WWOX: variants seen among roughly 807,000 people sequenced by gnomAD.
The protein encoded by WWOX is WW domain-containing oxidoreductase.
WWOX carries 69 observed loss-of-function variants against 46.2 expected under a neutral mutation model. That is an observed-to-expected ratio of 1.49 (90% confidence interval 1.23 to 1.82). The LOEUF (loss-of-function observed/expected upper bound fraction) is 1.82. Ranked by LOEUF, WWOX falls within the 40% of genes most tolerant of loss-of-function variation. The pLI, the probability that WWOX is intolerant of heterozygous loss-of-function variation, is 0.00. For synonymous variants in WWOX, 359 were observed against 202.6 expected, an observed-to-expected ratio of 1.77 and a Z score of -6.56; for missense variants, 919 against 542.6, an observed-to-expected ratio of 1.69 and a Z score of -6.89.
intron 8 of WWOX, among the ~76,000 whole-genome samples, chr16:78,482,060 C>T (rs1265101745): frequency 1.3e-5 from 2 of 151,988 alleles, no homozygotes; most frequent in African/African-American, 2.4e-5. Context: ...TTAGAATGTG[C>T]TTGTTATGGT....
At chr16:79,031,010 C>T (rs900275846) in intron 8 of WWOX, among the ~76,000 whole-genome samples, 31 of 149,870 alleles carry the variant, frequency 2.1e-4, no homozygotes, top group African/African-American at 3.9e-4. Flanking sequence ...GAGAATCACC[C>T]GAGGCTGGGG....
chr16:78,614,289 C>T (rs554220923), intron 8 of WWOX, among the ~76,000 whole-genome samples: 43 of 152,320 alleles, frequency 2.8e-4, no homozygotes, highest in African/African-American at 1.0e-3. Flanking sequence ...TAAATAGATG[C>T]ACAAAGCAGA....
intron 8 of WWOX, among the ~76,000 whole-genome samples, chr16:78,904,439 A>G (rs1429376751): frequency 6.6e-6 from 1 of 151,824 alleles, no homozygotes; most frequent in African/African-American, 2.4e-5. Flanking sequence ...GGGTTTCAGC[A>G]TGTTGGCCAG....
intron 5 of WWOX, among the ~76,000 whole-genome samples, chr16:78,196,205 A>G (rs1388538065): frequency 6.6e-6 from 1 of 152,246 alleles, no homozygotes; most frequent in African/African-American, 2.4e-5. Flanking sequence ...CATATCTACA[A>G]TTAATTTGAA....
chr16:79,002,777 C>G (rs2047119492), intron 8 of WWOX, among the ~76,000 whole-genome samples: 1 of 152,156 alleles, frequency 6.6e-6, no homozygotes, highest in Non-Finnish European at 1.5e-5. Flanking sequence ...GGGGAAAAGA[C>G]AGGGTTCACA....
chr16:78,750,721 A>C (rs2049456661), intron 8 of WWOX, among the ~76,000 whole-genome samples: 1 of 152,082 alleles, frequency 6.6e-6, no homozygotes, highest in South Asian at 2.1e-4. Flanking sequence ...TTGAGCTTCG[A>C]CTTGTAAGTA....
intron 8 of WWOX, among the ~76,000 whole-genome samples, chr16:79,057,986 A>G (rs1305716741): frequency 1.3e-5 from 2 of 152,158 alleles, no homozygotes; most frequent in African/African-American, 4.8e-5. Flanking sequence ...CTCTTATTCA[A>G]GCTCACGATG....
chr16:78,779,147 C>T (rs557127901), intron 8 of WWOX, among the ~76,000 whole-genome samples: 2 of 152,100 alleles, frequency 1.3e-5, no homozygotes, highest in Non-Finnish European at 2.9e-5. Flanking sequence ...TCCAACTTGT[C>T]TTTTTTGTTG....
intron 8 of WWOX, among the ~76,000 whole-genome samples, chr16:79,055,130 G>A (rs1483401083): frequency 6.6e-6 from 1 of 152,098 alleles, no homozygotes; most frequent in Non-Finnish European, 1.5e-5. Flanking sequence ...AAAACAGGTA[G>A]AAGAAAAAAA....
At chr16:78,657,622 G>C (rs1387749342) in intron 8 of WWOX, among the ~76,000 whole-genome samples, 6 of 152,154 alleles carry the variant, frequency 3.9e-5, no homozygotes, top group Admixed American at 1.3e-4. Context: ...CTTGCAGTCA[G>C]GTTCTGATGA....
chr16:78,457,150 G>C (rs555778513), intron 8 of WWOX, among the ~76,000 whole-genome samples: 1 of 152,304 alleles, frequency 6.6e-6, no homozygotes, highest in African/African-American at 2.4e-5. Flanking sequence ...GTCTGTGTCT[G>C]CACCCTTTTT....
At chr16:79,044,426 C>T (rs1196161785) in intron 8 of WWOX, among the ~76,000 whole-genome samples, 1 of 152,116 alleles carries the variant, frequency 6.6e-6, no homozygotes. Flanking sequence ...TGGTACTGTC[C>T]TCACGATAGT....
intron 8 of WWOX, among the ~76,000 whole-genome samples, chr16:79,173,577 A>C (rs960229529): frequency 1.3e-5 from 2 of 152,114 alleles, no homozygotes; most frequent in Admixed American, 1.3e-4. Flanking sequence ...CAACACTCAC[A>C]GTCAAAGCCA....
intron 8 of WWOX, among the ~76,000 whole-genome samples, chr16:79,198,960 G>A (rs957674014): frequency 1.3e-5 from 2 of 152,250 alleles, no homozygotes; most frequent in East Asian, 3.9e-4. Context: ...GTTGAGACTG[G>A]GTGTCTAGAG....
At chr16:79,052,009 C>T (rs955775677) in intron 8 of WWOX, among the ~76,000 whole-genome samples, 3 of 150,638 alleles carry the variant, frequency 2.0e-5, no homozygotes, top group African/African-American at 7.3e-5. Context: ...TCTCCTCTGC[C>T]TTTGCCTCTT....
intron 8 of WWOX, among the ~76,000 whole-genome samples, chr16:78,941,488 T>C (rs368753534): frequency 1.3e-5 from 2 of 148,794 alleles, no homozygotes; most frequent in African/African-American, 4.9e-5. Context: ...CAGTAGAGGG[T>C]GAAAACATTA....
At chr16:79,153,108 A>G (rs2050313389) in intron 8 of WWOX, among the ~76,000 whole-genome samples, 2 of 152,298 alleles carry the variant, frequency 1.3e-5, no homozygotes, top group African/African-American at 4.8e-5. Flanking sequence ...ACTTGAGTAC[A>G]CGCTCAGGGT....
At chr16:79,198,316 T>TGA (rs1312286867) in intron 8 of WWOX, among the ~76,000 whole-genome samples, 1 of 151,990 alleles carries the variant, frequency 6.6e-6, no homozygotes, top group Non-Finnish European at 1.5e-5. Flanking sequence ...CCAGCCTGAG[T>TGA]GAGAGACAGA....
intron 8 of WWOX, among the ~76,000 whole-genome samples, chr16:78,595,724 T>A (rs768749106): frequency 7.9e-5 from 12 of 152,212 alleles, no homozygotes; most frequent in African/African-American, 7.2e-5. Context: ...AGTACATCTA[T>A]ACATGGTGTA....
Sources: allele counts gnomAD v4.1 joint callset (sites outside exome capture counted in the v4.1 genomes callset), GRCh38; gene constraint gnomAD v4.1.1; transcripts MANE v1.5; gene names NCBI Gene and HGNC (gene_info 2026-07-23, HGNC 2026-07-21).